Variants in ACVR2A observed in about 807,000 individuals in gnomAD.
ACVR2A encodes activin receptor type-2A.
A neutral mutation model predicts 61.4 loss-of-function variants in ACVR2A; 7 were observed. That is an observed-to-expected ratio of 0.11 (90% CI 0.06 to 0.21). The LOEUF is 0.21. Ranked by LOEUF, ACVR2A falls within the 10% of genes least tolerant of loss-of-function variation. The probability of loss-of-function intolerance (pLI) is 1.00; values close to 1 mark genes in which losing one functional copy is unlikely to be tolerated. For synonymous variants in ACVR2A, 193 were observed against 208.3 expected, an observed-to-expected ratio of 0.93 and a Z score of 0.63; for missense variants, 322 against 621.7, an observed-to-expected ratio of 0.52 and a Z score of 5.13.
intron 1 of ACVR2A, among the ~76,000 whole-genome samples, chr2:147,875,803 G>C (rs1686139044): frequency 6.6e-6 from 1 of 152,072 alleles, no homozygotes; most frequent in Non-Finnish European, 1.5e-5. Context: ...ACAGATGTCA[G>C]ATAAAGGGAC....
chr2:147,905,840 A>G (rs1309254341), intron 4 of ACVR2A, among the ~76,000 whole-genome samples: 1 of 152,142 alleles, frequency 6.6e-6, no homozygotes, highest in East Asian at 1.9e-4. Flanking sequence ...CTGTGTCCAA[A>G]AGCAAAAAGG....
At chr2:147,908,138 A>T (rs748200689) in intron 4 of ACVR2A, among the ~76,000 whole-genome samples, 1 of 152,044 alleles carries the variant, frequency 6.6e-6, no homozygotes, top group African/African-American at 2.4e-5. Context: ...TAGTGACTAT[A>T]TGTGGCCTTG....
At chr2:147,917,167 T>A (rs1045151573) in intron 5 of ACVR2A, 116 bp from the exon 6 acceptor site, 2 of 1,157,706 alleles carry the variant, frequency 1.7e-6, no homozygotes, top group Non-Finnish European at 2.3e-6. Flanking sequence ...AAAAATTTTT[T>A]AAGACTTTTT....
At chr2:147,873,511 A>C (rs183839545) in intron 1 of ACVR2A, among the ~76,000 whole-genome samples, 1 of 152,024 alleles carries the variant, frequency 6.6e-6, no homozygotes, top group East Asian at 1.9e-4. Context: ...TGGCTACTGT[A>C]TTGGACAGCT....
chr2:147,859,534 AT>A (rs1277938240), intron 1 of ACVR2A, among the ~76,000 whole-genome samples: 1 of 152,006 alleles, frequency 6.6e-6, no homozygotes, highest in Non-Finnish European at 1.5e-5. Context: ...TGAATCACCC[AT>A]AGCATAGTAT....
chr2:147,920,336 C>T lies in ACVR2A; in HGVS notation c.1069C>T (p.His357Tyr), dbSNP rs1051645003. The change falls in exon 8 of 11, where the codon CAT (histidine) becomes TAT (tyrosine). Residue 357 changes from histidine to tyrosine, a missense_variant. Transcript: ENST00000241416. ...FEAGKSAGDT[H>Y]GQVGTRRYMA... ...GGCTGGCAAGTCTGCAGGCGATACC[C>T]ATGGACAGGTAAGGATGATGATTAT... 1 of 1,609,568 alleles carries T rather than the reference C, an allele frequency of 6.2e-7. No individual in the cohort carries two copies. Among genetic ancestry groups the T allele is most frequent in the Admixed American group, 1.7e-5 (1 of 59,754 alleles).
chr2:147,903,210 T>G (rs1686911361), intron 4 of ACVR2A, among the ~76,000 whole-genome samples: 1 of 151,726 alleles, frequency 6.6e-6, no homozygotes, highest in South Asian at 2.1e-4. Flanking sequence ...TAGAATAAAT[T>G]TAGCACAGTC....
At chr2:147,921,856 A>C (rs1558815012) in intron 8 of ACVR2A, among the ~76,000 whole-genome samples, 1 of 152,176 alleles carries the variant, frequency 6.6e-6, no homozygotes, top group Non-Finnish European at 1.5e-5. Context: ...ATTAGTTAAA[A>C]ATTATTGGCT....
chr2:147,893,815 C>T (rs552012792), intron 1 of ACVR2A, among the ~76,000 whole-genome samples: 2 of 152,212 alleles, frequency 1.3e-5, no homozygotes, highest in South Asian at 4.2e-4. Flanking sequence ...GTATTTTCTT[C>T]CAGTCTGTGA....
intron 1 of ACVR2A, among the ~76,000 whole-genome samples, chr2:147,867,847 A>G (rs1160592913): frequency 6.6e-6 from 1 of 151,990 alleles, no homozygotes; most frequent in Non-Finnish European, 1.5e-5. Flanking sequence ...TCCCACTTTA[A>G]TCTTACAACA....
At chr2:147,917,447 A>C (rs780093014) in intron 6 of ACVR2A, 21 bp downstream of exon 6, 1 of 1,609,254 alleles carries the variant, frequency 6.2e-7, no homozygotes, top group South Asian at 1.1e-5. Context: ...TTAACGTTTT[A>C]CTTTAGTAAA....
intron 1 of ACVR2A, among the ~76,000 whole-genome samples, chr2:147,855,346 T>G (rs1488246649): frequency 1.3e-5 from 2 of 152,180 alleles, no homozygotes; most frequent in Non-Finnish European, 2.9e-5. Context: ...GTGATGGGAC[T>G]GGAGAGATAG....
chr2:147,867,802 T>C (rs965697888), intron 1 of ACVR2A, among the ~76,000 whole-genome samples: 1 of 152,166 alleles, frequency 6.6e-6, no homozygotes. Flanking sequence ...CCCAAGATTA[T>C]TCTTTTCCAG....
At chr2:147,875,970 A>G (rs867904166) in intron 1 of ACVR2A, among the ~76,000 whole-genome samples, 8 of 152,292 alleles carry the variant, frequency 5.3e-5, no homozygotes, top group Middle Eastern at 6.8e-3. Context: ...TCCATTACAG[A>G]AAACTGAAAG....
At chr2:147,916,787 C>T (rs1381946768) in intron 5 of ACVR2A, among the ~76,000 whole-genome samples, 2 of 151,856 alleles carry the variant, frequency 1.3e-5, no homozygotes, top group South Asian at 2.1e-4. Flanking sequence ...CATATCTTTG[C>T]CCCTTGCTTT....
intron 1 of ACVR2A, among the ~76,000 whole-genome samples, chr2:147,871,317 T>C (rs1686008388): frequency 6.6e-6 from 1 of 152,172 alleles, no homozygotes. Context: ...TTAATACTAC[T>C]TAAATTAGTG....
chr2:147,912,069 G>A (rs945119176), intron 4 of ACVR2A, among the ~76,000 whole-genome samples: 3 of 151,910 alleles, frequency 2.0e-5, no homozygotes, highest in Non-Finnish European at 4.4e-5. Context: ...AGGTTTAAGC[G>A]TTTAATTAGA....
In ACVR2A at chr2:147,927,919, T is replaced by G. The variant is rs1462237002; in HGVS notation, c.*645T>G. On this transcript the variant is annotated 3_prime_UTR_variant, in exon 11 of 11. Transcript: ENST00000241416. ...ATTGAAAACACTAACAAAATTTGAA[T>G]AATAAATCGATCCATGTTTTGTAAC... The G allele has an allele frequency of 6.6e-6, 1 of 152,342 alleles. No individual in the cohort carries two copies. The highest frequency in any genetic ancestry group is 2.4e-5 in the African/African-American group (1 of 41,406). 9.4% of individuals were successfully genotyped at this position (152,342 alleles called of 1,614,324 possible).
upstream of ACVR2A, chr2:147,844,933 C>T: frequency 8.4e-6 from 4 of 474,504 alleles, no homozygotes; most frequent in Non-Finnish European, 1.4e-5. Flanking sequence ...CGGTTTTTCC[C>T]CCGTGGTGCA....
Sources: allele counts gnomAD v4.1 joint callset (sites outside exome capture counted in the v4.1 genomes callset), GRCh38; gene constraint gnomAD v4.1.1; transcripts MANE v1.5; gene names NCBI Gene and HGNC (gene_info 2026-07-23, HGNC 2026-07-21).